TMEM131L: variants seen among roughly 807,000 people sequenced by gnomAD.
The protein encoded by TMEM131L is transmembrane 131 like.
Under a neutral mutation model 192.2 loss-of-function variants are expected in TMEM131L, and 54 were observed. The ratio of observed to expected loss-of-function variants is 0.28; its 90% CI spans 0.23 to 0.35. The LOEUF is 0.35. Among genes scored for constraint, TMEM131L ranks in the 10% least tolerant of loss-of-function variants. The pLI, the probability that TMEM131L is intolerant of heterozygous loss-of-function variation, is 1.00. For synonymous variants in TMEM131L, 701 were observed against 704.9 expected (o/e 0.99, Z 0.09); for missense variants, 1,888 against 1,972.9 (o/e 0.96, Z 0.82).
intron 27 of TMEM131L, 29 bp from the exon 28 acceptor site, chr4:153,621,654 G>T (rs763674409): frequency 9.5e-6 from 15 of 1,573,708 alleles, no homozygotes; most frequent in South Asian, 4.5e-5. Flanking sequence ...ATACAGATGT[G>T]TTTTTTTGTG....
At chr4:153,621,533 A>C in intron 27 of TMEM131L, 150 bp from the exon 28 acceptor site, 1 of 687,424 alleles carries the variant, frequency 1.5e-6, no homozygotes, top group Non-Finnish European at 2.4e-6. Context: ...CTTTCTGCTC[A>C]TCATACTCTT....
chr4:153,500,772 C>G (rs1733547212), intron 3 of TMEM131L, among the ~76,000 whole-genome samples: 1 of 152,128 alleles, frequency 6.6e-6, no homozygotes, highest in Admixed American at 6.5e-5. Flanking sequence ...CTATCTTAGC[C>G]TATTGAGACC....
chr4:153,554,599 T>C (rs1229610030), intron 4 of TMEM131L, among the ~76,000 whole-genome samples: 1 of 152,266 alleles, frequency 6.6e-6, no homozygotes. Flanking sequence ...TCATTCATTA[T>C]GCTGATATTT....
At chr4:153,564,033 A>T (rs1161500358) in intron 7 of TMEM131L, among the ~76,000 whole-genome samples, 1 of 151,948 alleles carries the variant, frequency 6.6e-6, no homozygotes, top group African/African-American at 2.4e-5. Context: ...TCACACCTGT[A>T]ATCCCAGCAC....
chr4:153,572,787 A>G (rs1729680076), intron 7 of TMEM131L, among the ~76,000 whole-genome samples: 2 of 152,198 alleles, frequency 1.3e-5, no homozygotes, highest in African/African-American at 2.4e-5. Flanking sequence ...AGTGTTGTAC[A>G]GTCATCACCT....
chr4:153,489,856 G>T (rs1440902965), intron 3 of TMEM131L, among the ~76,000 whole-genome samples: 1 of 151,968 alleles, frequency 6.6e-6, no homozygotes, highest in Non-Finnish European at 1.5e-5. Context: ...ATCAAACCTC[G>T]TTCCTTGTGT....
At chr4:153,583,722 A>G in intron 11 of TMEM131L, 50 bp downstream of exon 11, 1 of 1,059,766 alleles carries the variant, frequency 9.4e-7, no homozygotes, top group Non-Finnish European at 1.4e-6. Context: ...TCTGGTTGTC[A>G]TGATGGCAAC....
intron 3 of TMEM131L, among the ~76,000 whole-genome samples, chr4:153,549,307 A>G (rs527515631): frequency 1.3e-5 from 2 of 152,302 alleles, no homozygotes; most frequent in South Asian, 4.1e-4. Flanking sequence ...AGTCTTTGAA[A>G]ACAGTTGTTC....
At chr4:153,466,871 C>G (rs1730789273) in intron 1 of TMEM131L, among the ~76,000 whole-genome samples, 1 of 152,130 alleles carries the variant, frequency 6.6e-6, no homozygotes, top group Admixed American at 6.5e-5. Flanking sequence ...CAGCTTTGTT[C>G]CCCCGAGCCT....
intron 3 of TMEM131L, among the ~76,000 whole-genome samples, chr4:153,498,126 T>C (rs988857326): frequency 1.3e-5 from 2 of 152,134 alleles, no homozygotes; most frequent in African/African-American, 4.8e-5. Flanking sequence ...AGGAGGTGGG[T>C]GGGAGAAGAT....
intron 3 of TMEM131L, among the ~76,000 whole-genome samples, chr4:153,504,557 G>C (rs942526653): frequency 3.3e-5 from 5 of 152,048 alleles, no homozygotes; most frequent in African/African-American, 1.2e-4. Context: ...CAAAGTGCTG[G>C]GATTACAGGC....
chr4:153,577,039 G>A (rs1439365870), intron 7 of TMEM131L, among the ~76,000 whole-genome samples: 1 of 152,198 alleles, frequency 6.6e-6, no homozygotes, highest in African/African-American at 2.4e-5. Context: ...TCAGGTAGAA[G>A]TTGCTGTGGT....
intron 31 of TMEM131L, 118 bp from the exon 32 acceptor site, chr4:153,632,600 A>T: frequency 1.9e-6 from 2 of 1,055,824 alleles, no homozygotes; most frequent in South Asian, 3.0e-5. Context: ...GAAAGGAGTT[A>T]GTCAGCATGT....
At chr4:153,510,271 T>C (rs1371698865) in intron 3 of TMEM131L, among the ~76,000 whole-genome samples, 1 of 152,170 alleles carries the variant, frequency 6.6e-6, no homozygotes, top group African/African-American at 2.4e-5. Flanking sequence ...TTGGAGGCAC[T>C]TGAAGATGTT....
intron 20 of TMEM131L, among the ~76,000 whole-genome samples, chr4:153,598,161 C>T (rs1731577387): frequency 6.6e-6 from 1 of 152,102 alleles, no homozygotes; most frequent in Non-Finnish European, 1.5e-5. Context: ...TATGAAAACA[C>T]CTTAATTCAC....
chr4:153,582,433 G>T (rs28438768), intron 9 of TMEM131L, among the ~76,000 whole-genome samples: 2,965 of 39,648 alleles, frequency 0.075, 163 homozygotes, highest in African/African-American at 0.17. Flanking sequence ...TTTTTTTGTT[G>T]TTTTTTTTTT....
At chr4:153,571,194 T>C (rs1729566090) in intron 7 of TMEM131L, among the ~76,000 whole-genome samples, 1 of 152,194 alleles carries the variant, frequency 6.6e-6, no homozygotes, top group Admixed American at 6.5e-5. Context: ...TGCATAATCT[T>C]ACATAAGAGA....
chr4:153,512,890 G>A (rs1734454957), intron 3 of TMEM131L, among the ~76,000 whole-genome samples: 3 of 152,158 alleles, frequency 2.0e-5, no homozygotes, highest in Non-Finnish European at 4.4e-5. Context: ...GGGATTACAG[G>A]CATGAGCCAC....
intron 7 of TMEM131L, among the ~76,000 whole-genome samples, chr4:153,577,157 A>G (rs1343927036): frequency 6.6e-6 from 1 of 152,078 alleles, no homozygotes; most frequent in Non-Finnish European, 1.5e-5. Context: ...CAGAAAATTC[A>G]AAGGTGTTGA....
Sources: gnomAD v4.1 joint callset for allele counts (sites outside exome capture counted in the v4.1 genomes callset) on GRCh38, gnomAD v4.1.1 for gene constraint, MANE v1.5 for transcripts, NCBI Gene and HGNC (gene_info 2026-07-23, HGNC 2026-07-21) for gene names.